SYNPR: variants seen among roughly 807,000 people sequenced by gnomAD.
SYNPR encodes synaptoporin.
Under a neutral mutation model 32.9 loss-of-function variants are expected in SYNPR, and 23 were observed. The observed-to-expected ratio is 0.70, with a 90% CI of 0.50 to 0.99. SYNPR has a LOEUF of 0.99. SYNPR is among the 50% of genes least tolerant of loss of function. The pLI, the probability that SYNPR is intolerant of heterozygous loss-of-function variation, is 0.00. For synonymous variants in SYNPR, 146 were observed against 135.9 expected (o/e 1.07, Z -0.52); for missense variants, 318 against 349.3 (o/e 0.91, Z 0.71).
At chr3:63,258,111 C>A (rs1359204215) in intron 2 of SYNPR, among the ~76,000 whole-genome samples, 1 of 152,078 alleles carries the variant, frequency 6.6e-6, no homozygotes, top group Non-Finnish European at 1.5e-5. Flanking sequence ...GACTCCCACA[C>A]AATAATAATG....
rs182663966 is a variant in SYNPR, at chr3:63,508,229, A to C, written c.209+27273A>C. ...TTTTGTTCTTTCTTGCTGTAGACTCACCCTTCCTTCCTTCATTCATTCACC... is the reference window on the plus strand; with the variant it reads ...TTTTGTTCTTTCTTGCTGTAGACTCCCCCTTCCTTCCTTCATTCATTCACC... On this transcript the variant is annotated intron_variant, in intron 3 of 5. Coordinates refer to ENST00000478300, the MANE Select transcript of SYNPR (RefSeq NM_001130003.2). 1.1e-3 allele frequency among the ~76,000 whole-genome samples: 170 copies of C among 152,132 alleles called. 1 individual carries two copies. The highest frequency in any genetic ancestry group is 3.6e-3 in the African/African-American group (148 of 41,522).
At chr3:63,221,335 C>A in the SYNPR span, among the ~76,000 whole-genome samples, 3 of 151,944 alleles carry the variant, frequency 2.0e-5, no homozygotes, top group African/African-American at 7.3e-5. Context: ...GAAAAGGGGG[C>A]TCTAGGGTTG....
chr3:63,371,136 A>G (rs2087807218), intron 2 of SYNPR, among the ~76,000 whole-genome samples: 1 of 152,066 alleles, frequency 6.6e-6, no homozygotes, highest in East Asian at 1.9e-4. Context: ...GGAGGCCCCC[A>G]TACCTCGGAA....
chr3:63,383,671 G>A (rs1428364915), intron 2 of SYNPR, among the ~76,000 whole-genome samples: 1 of 152,000 alleles, frequency 6.6e-6, no homozygotes, highest in Non-Finnish European at 1.5e-5. Flanking sequence ...AATAAAAGAG[G>A]CCAGGAGCTA....
chr3:63,394,471 T>C (rs888915589), intron 2 of SYNPR, among the ~76,000 whole-genome samples: 3 of 152,330 alleles, frequency 2.0e-5, no homozygotes, highest in Admixed American at 1.3e-4. Flanking sequence ...AGACATTAAA[T>C]GAAACTCTAA....
At chr3:63,309,406 CT>C (rs533277844) in intron 2 of SYNPR, among the ~76,000 whole-genome samples, 3 of 151,974 alleles carry the variant, frequency 2.0e-5, no homozygotes, top group Non-Finnish European at 4.4e-5. Flanking sequence ...ATGCCAGATA[CT>C]TTGATTTTTA....
chr3:63,322,251 T>C (rs73123145), intron 2 of SYNPR, among the ~76,000 whole-genome samples: 2 of 152,218 alleles, frequency 1.3e-5, no homozygotes, highest in Non-Finnish European at 2.9e-5. Flanking sequence ...ACAATGTAGA[T>C]ACTGGAGAAA....
rs755622968 is a variant in SYNPR, at chr3:63,510,915, C to CTG, written c.209+29978_209+29979dup. Among the ~76,000 whole-genome samples the CTG allele has an allele frequency of 6.2e-3, 931 of 149,188 alleles. 7 individuals carry two copies. The highest frequency in any genetic ancestry group is 8.5e-3 in the East Asian group (43 of 5,050). On this transcript the variant is annotated intron_variant, in intron 3 of 5. Transcript: ENST00000478300. The stretch of plus-strand genomic sequence containing the variant: ...GTAAATGAAAAGGCAAAAGGTACAA[C>CTG]TGTGTGTGTGTGTGTGTGTGCGCGC...
intron 3 of SYNPR, among the ~76,000 whole-genome samples, chr3:63,491,531 A>AT (rs535931113): frequency 3.3e-5 from 5 of 151,330 alleles, no homozygotes; most frequent in African/African-American, 9.7e-5. Flanking sequence ...CATATATATA[A>AT]TTTTTTTTTG....
At chr3:63,227,671 T>C (rs1480235575), upstream of SYNPR, among the ~76,000 whole-genome samples, 1 of 152,204 alleles carries the variant, frequency 6.6e-6, no homozygotes, top group African/African-American at 2.4e-5. Context: ...TCTACAGGTA[T>C]TTCATTACCA....
intron 2 of SYNPR, among the ~76,000 whole-genome samples, chr3:63,290,745 A>T (rs2086730680): frequency 6.6e-6 from 1 of 152,218 alleles, no homozygotes; most frequent in Non-Finnish European, 1.5e-5. Context: ...ATCATGGATG[A>T]TGGAGAAGTA....
chr3:63,609,395 CATCTTG>C, intron 5 of SYNPR, 79 bp downstream of exon 5: 1 of 1,312,776 alleles, frequency 7.6e-7, no homozygotes, highest in Non-Finnish European at 1.0e-6. Flanking sequence ...TCTCAGAAGT[CATCTTG>C]AAAATTGTTG....
intron 2 of SYNPR, among the ~76,000 whole-genome samples, chr3:63,337,450 G>C (rs568308218): frequency 6.6e-6 from 1 of 152,132 alleles, no homozygotes; most frequent in Admixed American, 6.5e-5. Flanking sequence ...CTAGAAGATA[G>C]TTTCACAGTT....
intron 2 of SYNPR, among the ~76,000 whole-genome samples, chr3:63,342,662 T>C (rs989442896): frequency 1.3e-5 from 2 of 152,234 alleles, no homozygotes; most frequent in Non-Finnish European, 2.9e-5. Flanking sequence ...TCCTCTGCTA[T>C]TTTCTGGAAG....
chr3:63,307,075 G>A (rs1403438258), intron 2 of SYNPR, among the ~76,000 whole-genome samples: 1 of 152,022 alleles, frequency 6.6e-6, no homozygotes, highest in Admixed American at 6.6e-5. Flanking sequence ...ATGTAACTGT[G>A]CTTGAAAGTA....
intron 2 of SYNPR, among the ~76,000 whole-genome samples, chr3:63,307,926 C>A (rs567199818): frequency 1.3e-5 from 2 of 151,730 alleles, no homozygotes; most frequent in African/African-American, 2.4e-5. Context: ...GAACATAGTT[C>A]GTGGCTTTTA....
intron 3 of SYNPR, among the ~76,000 whole-genome samples, chr3:63,497,105 G>C (rs1045879285): frequency 6.6e-6 from 1 of 152,090 alleles, no homozygotes; most frequent in African/African-American, 2.4e-5. Flanking sequence ...ATCACACAGA[G>C]TCACACTGCA....
intron 2 of SYNPR, among the ~76,000 whole-genome samples, chr3:63,365,808 T>C (rs1269128622): frequency 1.3e-5 from 2 of 152,172 alleles, no homozygotes; most frequent in Non-Finnish European, 2.9e-5. Flanking sequence ...AAAACATTCT[T>C]TTATTACATT....
chr3:63,590,517 A>T (rs1703283147), intron 4 of SYNPR, among the ~76,000 whole-genome samples: 1 of 58,888 alleles, frequency 1.7e-5, no homozygotes, highest in Non-Finnish European at 3.0e-5. Flanking sequence ...AAGCCAAAAG[A>T]ACAAAGCTGG....
Sources: gnomAD v4.1 joint callset for allele counts (sites outside exome capture counted in the v4.1 genomes callset) on GRCh38, gnomAD v4.1.1 for gene constraint, MANE v1.5 for transcripts, NCBI Gene and HGNC (gene_info 2026-07-23, HGNC 2026-07-21) for gene names.